AFF3: variants seen among roughly 807,000 people sequenced by gnomAD.
AFF3 encodes the protein AF4/FMR2 family member 3.
Under a neutral mutation model 129.7 loss-of-function variants are expected in AFF3, and 32 were observed. The ratio of observed to expected loss-of-function variants is 0.25; its 90% CI spans 0.19 to 0.33. The LOEUF (loss-of-function observed/expected upper bound fraction) is 0.33. AFF3 is among the 10% of genes least tolerant of loss of function. The pLI, the probability that AFF3 is intolerant of heterozygous loss-of-function variation, is 1.00. For synonymous variants in AFF3, 644 were observed against 635.4 expected (o/e 1.01, Z -0.20); for missense variants, 1,373 against 1,592.0 (o/e 0.86, Z 2.34).
At chr2:99,976,288 C>G (rs571788515) in intron 7 of AFF3, among the ~76,000 whole-genome samples, 4 of 152,118 alleles carry the variant, frequency 2.6e-5, no homozygotes, top group Admixed American at 6.5e-5. Context: ...TTCTGGTCAT[C>G]AATTAAGAGT....
rs553024796 is a variant in AFF3 at position 99,677,464 on chromosome 2, C to A, written c.1092-4875G>T. On this transcript the variant is annotated intron_variant, in intron 11 of 24. Coordinates refer to ENST00000672756, the MANE Select transcript of AFF3 (RefSeq NM_001386135.1). Reference sequence around the variant, plus strand: ...CAGAAGCAAGATTTTTTTTAACGTGCGATTAAGCGATTGAGATTCCACCTA... The same window carrying A: ...CAGAAGCAAGATTTTTTTTAACGTGAGATTAAGCGATTGAGATTCCACCTA... 5.9e-5 allele frequency among the ~76,000 whole-genome samples: 9 copies of A among 152,118 alleles called. No individual in the cohort carries two copies. In the South Asian group the frequency reaches 8.3e-4, roughly 14 times the overall value.
intron 7 of AFF3, among the ~76,000 whole-genome samples, chr2:99,842,739 T>G (rs1470192119): frequency 6.6e-6 from 1 of 152,134 alleles, no homozygotes; most frequent in East Asian, 1.9e-4. Context: ...TAAGTGTAGC[T>G]CGGGGAATAG....
At chr2:99,565,443 T>A in intron 20 of AFF3, 44 bp downstream of exon 20, 1 of 1,602,014 alleles carries the variant, frequency 6.2e-7, no homozygotes, top group Non-Finnish European at 8.5e-7. Context: ...CTTCCACACA[T>A]TCCTCACTCC....
intron 7 of AFF3, among the ~76,000 whole-genome samples, chr2:99,945,627 C>T (rs1161941885): frequency 3.3e-5 from 5 of 152,204 alleles, no homozygotes; most frequent in Non-Finnish European, 5.9e-5. Context: ...CCATCGGCCT[C>T]ACCCTCACTG....
At chr2:100,005,782 A>C (rs1426426736) in intron 7 of AFF3, among the ~76,000 whole-genome samples, 1 of 152,204 alleles carries the variant, frequency 6.6e-6, no homozygotes, top group African/African-American at 2.4e-5. Context: ...GTTTAAGCTC[A>C]GCCTTGTCAA....
In AFF3 at chr2:100,008,896, T is replaced by A; in HGVS notation, c.90A>T (p.Lys30Asn). Residue 30 changes from lysine to asparagine, a missense_variant, in exon 5 of 25, where the codon AAA becomes AAT. By Grantham distance (94) the Lys-to-Asn change is moderately conservative. This residue lies in a region of AFF3 where 255 missense variants were observed against 256.0 expected (regional missense o/e 1.00). Transcript: ENST00000672756. ...TTTCTTGATTTCTTCTTTCTCGTTC[T>A]TTCCTCCGTAATGCATTTCTATCTG... ...YEPDRNALRR[K>N]ERERRNQETQ... The A allele has an allele frequency of 6.2e-7, 1 of 1,614,104 alleles. No homozygotes were observed. Among genetic ancestry groups the A allele is most frequent in the Non-Finnish European group, 8.5e-7 (1 of 1,179,988 alleles).
At chr2:99,801,164 A>C (rs1176418619) in intron 8 of AFF3, among the ~76,000 whole-genome samples, 2 of 152,194 alleles carry the variant, frequency 1.3e-5, no homozygotes, top group African/African-American at 2.4e-5. Context: ...AGAAATGTGA[A>C]AATGATACTT....
chr2:99,583,734 C>T (rs914338608), intron 16 of AFF3, among the ~76,000 whole-genome samples: 1 of 151,242 alleles, frequency 6.6e-6, no homozygotes, highest in African/African-American at 2.4e-5. Flanking sequence ...CTCTTGTCAC[C>T]CAGGCTGGAG....
At chr2:100,056,061 TCTCACACACACACACACACA>T (rs1191072646) in intron 4 of AFF3, among the ~76,000 whole-genome samples, 1 of 133,470 alleles carries the variant, frequency 7.5e-6, no homozygotes, top group Non-Finnish European at 1.6e-5. Flanking sequence ...GCTGTCTCTC[TCTCACACACACACACACACA>T]CACACACACA....
At chr2:100,084,923 T>C (rs1026238741) in intron 4 of AFF3, among the ~76,000 whole-genome samples, 1 of 148,166 alleles carries the variant, frequency 6.7e-6, no homozygotes, top group Admixed American at 6.7e-5. Flanking sequence ...AGCTTATAGA[T>C]GTTAAGTGTT....
intron 20 of AFF3, among the ~76,000 whole-genome samples, chr2:99,564,458 A>G (rs1311254674): frequency 6.6e-6 from 1 of 152,232 alleles, no homozygotes; most frequent in Non-Finnish European, 1.5e-5. Flanking sequence ...AGTATAAAGG[A>G]TTCACCAATA....
rs964210886 is a variant in AFF3 at position 100,113,244 on chromosome 2, G to A, written c.-144-7661C>T. ...GAACACCTATTACATGCCAAGCAGTGAGCTAAGAAAGAAGATGAGAAAGAG... is the reference window on the plus strand; with the variant it reads ...GAACACCTATTACATGCCAAGCAGTAAGCTAAGAAAGAAGATGAGAAAGAG... On this transcript the variant is annotated intron_variant, in intron 2 of 24. Coordinates refer to ENST00000672756, the MANE Select transcript of AFF3 (RefSeq NM_001386135.1). 2.6e-5 allele frequency among the ~76,000 whole-genome samples: 4 copies of A among 152,296 alleles called. No homozygotes were observed. In the South Asian group the frequency reaches 8.3e-4, roughly 32 times the overall value.
chr2:99,923,993 G>A (rs1696046392), intron 7 of AFF3, among the ~76,000 whole-genome samples: 1 of 152,166 alleles, frequency 6.6e-6, no homozygotes, highest in Non-Finnish European at 1.5e-5. Context: ...GAGAGAATCT[G>A]AGCAGATGAC....
chr2:99,957,543 G>A (rs1676783033), intron 7 of AFF3, among the ~76,000 whole-genome samples: 2 of 152,100 alleles, frequency 1.3e-5, no homozygotes, highest in Non-Finnish European at 2.9e-5. Context: ...CAAAGACACC[G>A]GCCCTTTGGT....
intron 13 of AFF3, among the ~76,000 whole-genome samples, chr2:99,613,188 C>T (rs949437319): frequency 1.3e-5 from 2 of 152,138 alleles, no homozygotes. Flanking sequence ...TTTACATTTA[C>T]ATATTTTACA....
intron 8 of AFF3, among the ~76,000 whole-genome samples, chr2:99,816,791 A>C (rs73964319): frequency 0.088 from 13,419 of 152,060 alleles, 1,997 homozygotes; most frequent in African/African-American, 0.3. Flanking sequence ...CTTTCTCCAG[A>C]TATACCGTAA....
At chr2:99,582,677 G>T in intron 17 of AFF3, 121 bp downstream of exon 17, 2 of 1,030,976 alleles carry the variant, frequency 1.9e-6, no homozygotes, top group Non-Finnish European at 1.4e-6. Flanking sequence ...GAAGCGGGAG[G>T]CATTCAGGAA....
intron 1 of AFF3, among the ~76,000 whole-genome samples, chr2:100,137,382 T>G (rs1240519216): frequency 1.3e-5 from 2 of 152,202 alleles, no homozygotes; most frequent in Non-Finnish European, 2.9e-5. Flanking sequence ...GATCTTTGCT[T>G]CAAAAAATAT....
chr2:100,009,438 G>C (rs1682301634), intron 4 of AFF3, among the ~76,000 whole-genome samples: 1 of 151,784 alleles, frequency 6.6e-6, no homozygotes, highest in South Asian at 2.1e-4. Context: ...ACAGTTATGA[G>C]CCTTCTTCTG....
Sources: gnomAD v4.1 joint callset for allele counts (sites outside exome capture counted in the v4.1 genomes callset) on GRCh38, gnomAD v4.1.1 for gene constraint, gnomAD v4.1.1 regional missense constraint, MANE v1.5 for transcripts, NCBI Gene and HGNC (gene_info 2026-07-23, HGNC 2026-07-21) for gene names.